ZC3HC1: variants seen among roughly 807,000 people sequenced by gnomAD.
The protein encoded by ZC3HC1 is zinc finger C3HC-type containing 1, also known as zinc finger C3HC-type protein 1.
A neutral mutation model predicts 61.9 loss-of-function variants in ZC3HC1; 38 were observed. The ratio of observed to expected loss-of-function variants is 0.61; its 90% CI spans 0.47 to 0.81. The LOEUF is 0.81. Ranked by LOEUF, ZC3HC1 falls within the 30% of genes least tolerant of loss-of-function variation. The pLI is 0.00. For missense variants in ZC3HC1, 554 were observed against 622.7 expected (o/e 0.89, Z 1.17); for synonymous variants, 213 against 229.9 (o/e 0.93, Z 0.67).
intron 2 of ZC3HC1, chr7:130,045,225 T>C (rs1055316826): frequency 5.5e-6 from 1 of 181,228 alleles, no homozygotes; most frequent in African/African-American, 2.3e-5. Flanking sequence ...TACTTTCAAA[T>C]AGCTCAGGGA....
At chr7:130,039,798 AGGC>A (rs1353099423) in intron 3 of ZC3HC1, among the ~76,000 whole-genome samples, 1 of 151,958 alleles carries the variant, frequency 6.6e-6, no homozygotes, top group East Asian at 1.9e-4. Context: ...TCTGTCGCCC[AGGC>A]TTGAGTGTAG....
chr7:130,026,366 T>C lies in ZC3HC1; in HGVS notation c.622-54A>G, dbSNP rs185650747. ...TTTCAACCACCATAAAAAGAAAAAT[T>C]ACACATTATAACATACCTAGATGGT... On this transcript the variant is annotated intron_variant, in intron 5 of 9. Coordinates refer to ENST00000358303, the MANE Select transcript of ZC3HC1 (RefSeq NM_016478.5). 1.1e-4 allele frequency: 173 copies of C among 1,574,894 alleles called. 1 individual carries two copies. Among genetic ancestry groups the C allele is most frequent in the Non-Finnish European group, 9.5e-6 (11 of 1,157,992 alleles).
chr7:130,043,047 G>T (rs1021366602), intron 2 of ZC3HC1, among the ~76,000 whole-genome samples: 1 of 152,116 alleles, frequency 6.6e-6, no homozygotes, highest in Admixed American at 6.5e-5. Flanking sequence ...AGGCTGAGAC[G>T]GGCGGATCAC....
At chr7:130,037,492 C>T (rs1309124696) in intron 4 of ZC3HC1, among the ~76,000 whole-genome samples, 4 of 152,100 alleles carry the variant, frequency 2.6e-5, no homozygotes, top group Admixed American at 2.0e-4. Context: ...GGACTGAGTG[C>T]ACTAGACAAG....
intron 2 of ZC3HC1, among the ~76,000 whole-genome samples, 174 bp from the exon 3 acceptor site, chr7:130,041,275 C>G (rs1317533582): frequency 6.6e-6 from 1 of 151,846 alleles, no homozygotes; most frequent in Non-Finnish European, 1.5e-5. Context: ...ACAACCTCAC[C>G]CTCTCAGGTT....
At chr7:130,022,592 G>T in intron 8 of ZC3HC1, 67 bp from the exon 9 acceptor site, 1 of 1,538,446 alleles carries the variant, frequency 6.5e-7, no homozygotes, top group Non-Finnish European at 8.9e-7. Context: ...AGGCACTGCT[G>T]TTAGTTATCA....
chr7:130,035,537 T>A (rs975278396), intron 4 of ZC3HC1, among the ~76,000 whole-genome samples: 1 of 151,936 alleles, frequency 6.6e-6, no homozygotes, highest in African/African-American at 2.4e-5. Context: ...CTTTTTTTTT[T>A]AATGGAGTCT....
chr7:130,038,671 C>T (rs1794517623), intron 4 of ZC3HC1, among the ~76,000 whole-genome samples: 1 of 151,822 alleles, frequency 6.6e-6, no homozygotes, highest in Admixed American at 6.6e-5. Context: ...CCAGCCTAGC[C>T]AACATGGTGA....
chr7:130,022,803 C>T (rs117340027), intron 8 of ZC3HC1, among the ~76,000 whole-genome samples: 2,384 of 152,168 alleles, frequency 0.016, 35 homozygotes, highest in Middle Eastern at 0.024. Flanking sequence ...GAACAGCAGG[C>T]GGGCAAGCAA....
intron 4 of ZC3HC1, among the ~76,000 whole-genome samples, chr7:130,032,125 G>A (rs1794225867): frequency 6.6e-6 from 1 of 151,892 alleles, no homozygotes; most frequent in African/African-American, 2.4e-5. Context: ...TCGGGAGGCT[G>A]AGGCAGGAGA....
chr7:130,040,092 G>C (rs1794587138), intron 3 of ZC3HC1, among the ~76,000 whole-genome samples: 1 of 139,642 alleles, frequency 7.2e-6, no homozygotes, highest in African/African-American at 2.7e-5. Context: ...TCTTCGTCTA[G>C]AAGTATACAT....
rs564510383 is a variant in ZC3HC1 at position 130,029,088 on chromosome 7, C to G, written c.494-59G>C. 509 of 1,535,676 alleles carry G rather than the reference C, an allele frequency of 3.3e-4. No individual in the cohort carries two copies. In the African/African-American group the frequency reaches 6.4e-3, roughly 19 times the overall value. The stretch of plus-strand genomic sequence containing the variant: ...TGTAAACTGTAAAAAATAAAAAACA[C>G]GGCTGGGCATGGTGGCTCATACCTG... On this transcript the variant is annotated intron_variant, in intron 4 of 9. Transcript: ENST00000358303.
At chr7:130,036,999 G>A (rs763123901) in intron 4 of ZC3HC1, 14 of 152,340 alleles carry the variant, frequency 9.2e-5, no homozygotes, top group Non-Finnish European at 1.9e-4. Context: ...TTAGAAGGTA[G>A]ATGAAAATAT....
At chr7:130,048,145 T>G (rs1158000220) in intron 2 of ZC3HC1, among the ~76,000 whole-genome samples, 1 of 26,796 alleles carries the variant, frequency 3.7e-5, no homozygotes, top group African/African-American at 2.3e-4. Context: ...TCCTAGTTGT[T>G]TTTTTTTTTT....
At chr7:130,047,541 C>T (rs1445117030) in intron 2 of ZC3HC1, among the ~76,000 whole-genome samples, 1 of 152,076 alleles carries the variant, frequency 6.6e-6, no homozygotes, top group Non-Finnish European at 1.5e-5. Flanking sequence ...TTTGGCGGCT[C>T]AGGCCTGTAC....
intron 3 of ZC3HC1, among the ~76,000 whole-genome samples, chr7:130,040,355 G>A (rs969911982): frequency 6.6e-6 from 1 of 150,892 alleles, no homozygotes; most frequent in African/African-American, 2.4e-5. Flanking sequence ...TTAGCCAGGC[G>A]TGGTAGCAGG....
In ZC3HC1 at chr7:130,049,117, T is replaced by C; in HGVS notation, c.174A>G (p.Ser58=). The C allele has an allele frequency of 1.9e-6, 3 of 1,603,226 alleles. No homozygotes were observed. Among genetic ancestry groups the C allele is most frequent in the Middle Eastern group, 1.7e-4 (1 of 6,040 alleles). The change falls in exon 2 of 10, where the codon TCA becomes TCG. Residue 58 remains serine, a synonymous_variant. Transcript: ENST00000358303. Reference sequence around the variant, plus strand: ...GTTCCGCTTGGGGTGATCCATTAACTGACTGGGATGTGGCAGACGTGTCCT... The same window carrying C: ...GTTCCGCTTGGGGTGATCCATTAACCGACTGGGATGTGGCAGACGTGTCCT... ...DAKDTSATSQ[S]VNGSPQAEQP... is the part of the protein sequence containing the mutation.
Position 130,031,222 on chromosome 7 carries a change from G to A in ZC3HC1, c.494-2193C>T, listed in dbSNP as rs545544415. ...CGCATGCCTGTAATCCCAGCTACTC[G>A]GGAGGCTGAGGCAGAATCGCTTGAA... is the stretch of plus-strand genomic sequence containing the variant. On this transcript the variant is annotated intron_variant, in intron 4 of 9. Transcript: ENST00000358303. 1.6e-4 allele frequency among the ~76,000 whole-genome samples: 24 copies of A among 151,532 alleles called. No homozygotes were observed. In the South Asian group the frequency reaches 2.3e-3, roughly 15 times the overall value.
chr7:130,026,529 G>T, intron 5 of ZC3HC1: 1 of 441,402 alleles, frequency 2.3e-6, no homozygotes, highest in Non-Finnish European at 4.0e-6. Context: ...TGAGAAAGAT[G>T]GAGTCTCCCT....
Sources: gnomAD v4.1 joint callset for allele counts (sites outside exome capture counted in the v4.1 genomes callset) on GRCh38, gnomAD v4.1.1 for gene constraint, MANE v1.5 for transcripts, NCBI Gene and HGNC (gene_info 2026-07-23, HGNC 2026-07-21) for gene names.